USP32: variants seen among roughly 807,000 people sequenced by gnomAD.
USP32 encodes ubiquitin carboxyl-terminal hydrolase 32.
Under a neutral mutation model 204.8 loss-of-function variants are expected in USP32, and 59 were observed. The ratio of observed to expected loss-of-function variants is 0.29; its 90% CI spans 0.23 to 0.36. The LOEUF is 0.36. USP32 is among the 10% of genes least tolerant of loss of function. The pLI, the probability that USP32 is intolerant of heterozygous loss-of-function variation, is 1.00. For missense variants in USP32, 1,160 were observed against 1,946.4 expected, an observed-to-expected ratio of 0.60 and a Z score of 7.60; for synonymous variants, 517 against 678.4, an observed-to-expected ratio of 0.76 and a Z score of 3.70.
chr17:60,190,099 C>T (rs933920020), intron 29 of USP32, among the ~76,000 whole-genome samples: 3 of 152,142 alleles, frequency 2.0e-5, no homozygotes, highest in Non-Finnish European at 4.4e-5. Context: ...GTTGAGTTCT[C>T]CTTCTGAGAA....
At chr17:60,229,309 C>T (rs1330775981) in intron 12 of USP32, among the ~76,000 whole-genome samples, 2 of 152,192 alleles carry the variant, frequency 1.3e-5, no homozygotes, top group African/African-American at 4.8e-5. Context: ...TCCCAAAGTA[C>T]TAGGATTACA....
intron 1 of USP32, among the ~76,000 whole-genome samples, chr17:60,347,149 G>A (rs1445712975): frequency 6.6e-6 from 1 of 152,090 alleles, no homozygotes; most frequent in East Asian, 1.9e-4. Context: ...AGTAGAACTT[G>A]AAGCTAGACT....
At chr17:60,218,380 T>C (rs1475931871) in intron 16 of USP32, among the ~76,000 whole-genome samples, 1 of 151,730 alleles carries the variant, frequency 6.6e-6, no homozygotes, top group Non-Finnish European at 1.5e-5. Context: ...CAAGACTCCA[T>C]CTCGAAAAAA....
chr17:60,334,734 ATAT>A, intron 2 of USP32, among the ~76,000 whole-genome samples: 1 of 143,392 alleles, frequency 7.0e-6, no homozygotes, highest in South Asian at 2.1e-4. Flanking sequence ...TTGATAACAC[ATAT>A]TATATGCCTT....
intron 12 of USP32, among the ~76,000 whole-genome samples, chr17:60,230,901 T>C (rs1301997846): frequency 1.3e-5 from 2 of 152,242 alleles, no homozygotes; most frequent in African/African-American, 2.4e-5. Context: ...TGTTCATTTC[T>C]GGCTGCTTGC....
chr17:60,335,139 A>C (rs1302276828), intron 2 of USP32, among the ~76,000 whole-genome samples: 1 of 140,980 alleles, frequency 7.1e-6, no homozygotes. Flanking sequence ...CACCCAGCTA[A>C]TTTTTTTTAT....
rs556129073 is a variant in USP32, at chr17:60,243,415, C to A, written c.1137-7175G>T. Reference sequence around the variant, plus strand: ...ACAATGTTGATAAGTGCGGCAAAAGCAAGTATCCTTTCCTGATCTTATGGG... The same window carrying A: ...ACAATGTTGATAAGTGCGGCAAAAGAAAGTATCCTTTCCTGATCTTATGGG... On this transcript the variant is annotated intron_variant, in intron 11 of 33. Transcript: ENST00000300896. Among the ~76,000 whole-genome samples, 187 of 152,250 alleles carry A rather than the reference C, an allele frequency of 1.2e-3. 1 individual carries two copies. Among genetic ancestry groups the A allele is most frequent in the African/African-American group, 4.4e-3 (184 of 41,548 alleles).
chr17:60,315,599 A>G (rs2087954541), intron 2 of USP32, among the ~76,000 whole-genome samples: 1 of 152,194 alleles, frequency 6.6e-6, no homozygotes, highest in South Asian at 2.1e-4. Flanking sequence ...AATTGAAAAC[A>G]GAGATTCAAA....
chr17:60,391,512 G>A (rs1379242271), intron 1 of USP32, among the ~76,000 whole-genome samples: 3 of 152,118 alleles, frequency 2.0e-5, no homozygotes, highest in South Asian at 2.1e-4. Flanking sequence ...AGGTTTTTAT[G>A]AAGGAATGAT....
At chr17:60,238,726 C>T (rs2085799715) in intron 11 of USP32, among the ~76,000 whole-genome samples, 1 of 151,712 alleles carries the variant, frequency 6.6e-6, no homozygotes, top group East Asian at 1.9e-4. Context: ...ATCGCTTGAA[C>T]CCAGGAGGCA....
At chr17:60,215,196 T>TC (rs1402814595) in intron 16 of USP32, among the ~76,000 whole-genome samples, 2 of 152,208 alleles carry the variant, frequency 1.3e-5, no homozygotes, top group African/African-American at 4.8e-5. Context: ...GGTCTCTAAC[T>TC]CCTGGGCTCA....
In USP32 at chr17:60,274,244, A is replaced by G. The variant is rs146497122; in HGVS notation, c.572-2763T>C. 4.3e-4 allele frequency among the ~76,000 whole-genome samples: 65 copies of G among 152,304 alleles called. 1 individual carries two copies. The East Asian group carries it at 0.012, about 28-fold the overall frequency. On this transcript the variant is annotated intron_variant, in intron 5 of 33. Coordinates refer to ENST00000300896, the MANE Select transcript of USP32 (RefSeq NM_032582.4). Reference sequence around the variant, plus strand: ...GATTAGTGAGCTTGAAGGACAGGCAATAGAAACTATCTAAATGATAGCATA... The same window carrying G: ...GATTAGTGAGCTTGAAGGACAGGCAGTAGAAACTATCTAAATGATAGCATA...
At chr17:60,243,429 T>C (rs1357342093) in intron 11 of USP32, among the ~76,000 whole-genome samples, 2 of 152,258 alleles carry the variant, frequency 1.3e-5, no homozygotes, top group Admixed American at 1.3e-4. Flanking sequence ...TATCCTTTCC[T>C]GATCTTATGG....
intron 1 of USP32, among the ~76,000 whole-genome samples, chr17:60,390,564 C>A (rs2089814447): frequency 6.6e-6 from 1 of 152,168 alleles, no homozygotes; most frequent in Non-Finnish European, 1.5e-5. Flanking sequence ...ACATAAAAGG[C>A]ATATCTGTGT....
chr17:60,380,607 A>G (rs60900966), intron 1 of USP32, among the ~76,000 whole-genome samples: 1 of 152,144 alleles, frequency 6.6e-6, no homozygotes, highest in Admixed American at 6.5e-5. Flanking sequence ...GAAGAGCATA[A>G]TAATTAGCCC....
At chr17:60,412,158 G>A (rs2090023494) in intron 1 of USP32, among the ~76,000 whole-genome samples, 1 of 152,006 alleles carries the variant, frequency 6.6e-6, no homozygotes. Context: ...CACCACACCG[G>A]TATTTTCCAA....
intron 7 of USP32, among the ~76,000 whole-genome samples, chr17:60,268,859 C>T (rs911262854): frequency 3.3e-5 from 5 of 152,026 alleles, no homozygotes; most frequent in Admixed American, 6.6e-5. Flanking sequence ...TTTAGAAAGA[C>T]GTGGAGATAA....
At position 60,183,808 on chromosome 17, in the gene USP32, CCA is replaced by C. The variant is rs370249902; in HGVS notation, c.3835-357_3835-356del. ...CACCCTCTCCTGAAGTTCAAATTCA[CCA>C]CATTGTACCCCTTGTGGCAGTTCTC... On this transcript the variant is annotated intron_variant, in intron 30 of 33. Transcript: ENST00000300896. Among the ~76,000 whole-genome samples, 109 of 152,340 alleles carry C rather than the reference CCA, an allele frequency of 7.2e-4. No individual in the cohort carries two copies. The East Asian group carries it at 0.02, about 27-fold the overall frequency.
intron 1 of USP32, among the ~76,000 whole-genome samples, chr17:60,354,331 T>C (rs1471217390): frequency 6.6e-6 from 1 of 152,202 alleles, no homozygotes; most frequent in Non-Finnish European, 1.5e-5. Flanking sequence ...TGCATTCTGA[T>C]TTCTGTTATA....
Sources: allele counts gnomAD v4.1 joint callset (sites outside exome capture counted in the v4.1 genomes callset), GRCh38; gene constraint gnomAD v4.1.1; transcripts MANE v1.5; gene names NCBI Gene and HGNC (gene_info 2026-07-23, HGNC 2026-07-21).